The following MAGI2 variants were observed in gnomAD, a reference collection of about 807,000 sequenced individuals.
The protein encoded by MAGI2 is membrane-associated guanylate kinase, WW and PDZ domain-containing protein 2.
A neutral mutation model predicts 133.3 loss-of-function variants in MAGI2; 35 were observed. The ratio of observed to expected loss-of-function variants is 0.26; its 90% CI spans 0.20 to 0.35. The LOEUF is 0.35. Ranked by LOEUF, MAGI2 falls within the 10% of genes least tolerant of loss-of-function variation. The pLI is 1.00. For missense variants in MAGI2, 1,636 were observed against 1,863.4 expected (o/e 0.88, Z 2.25); for synonymous variants, 729 against 710.6 (o/e 1.03, Z -0.41).
At chr7:78,043,801 T>C (rs1287922367) in intron 21 of MAGI2, among the ~76,000 whole-genome samples, 1 of 152,226 alleles carries the variant, frequency 6.6e-6, no homozygotes, top group Non-Finnish European at 1.5e-5. Context: ...GAAATAATTA[T>C]AAACCTTAAG....
chr7:78,461,226 G>T (rs1023803446), intron 6 of MAGI2, among the ~76,000 whole-genome samples: 1 of 151,870 alleles, frequency 6.6e-6, no homozygotes, highest in Non-Finnish European at 1.5e-5. Context: ...ACCTGTGCTA[G>T]GTCAATAAAA....
At chr7:78,333,477 T>C (rs1789441904) in intron 9 of MAGI2, among the ~76,000 whole-genome samples, 1 of 152,244 alleles carries the variant, frequency 6.6e-6, no homozygotes. Context: ...TGACTCTCTC[T>C]GATCCAAAGA....
intron 9 of MAGI2, among the ~76,000 whole-genome samples, chr7:78,339,752 T>C (rs895770242): frequency 1.3e-5 from 2 of 152,152 alleles, no homozygotes; most frequent in African/African-American, 4.8e-5. Context: ...ACCAAATGAA[T>C]GGCAGAGTTG....
At chr7:79,237,354 G>A (rs572340355) in intron 1 of MAGI2, among the ~76,000 whole-genome samples, 5 of 152,208 alleles carry the variant, frequency 3.3e-5, no homozygotes, top group Admixed American at 6.5e-5. Context: ...ATTAGCCGGC[G>A]TGGTGGCAGG....
intron 6 of MAGI2, among the ~76,000 whole-genome samples, chr7:78,386,571 C>T (rs915445552): frequency 4.6e-5 from 7 of 152,318 alleles, no homozygotes; most frequent in Admixed American, 1.3e-4. Context: ...ATGTAAAGAG[C>T]CAGTCAGTCC....
chr7:79,133,851 G>T (rs540042616), intron 1 of MAGI2, among the ~76,000 whole-genome samples: 3 of 152,136 alleles, frequency 2.0e-5, no homozygotes, highest in Non-Finnish European at 4.4e-5. Context: ...AGGTTCCTTT[G>T]TATGCCCCAT....
chr7:79,114,532 A>T (rs1194519224), intron 1 of MAGI2, among the ~76,000 whole-genome samples: 1 of 152,304 alleles, frequency 6.6e-6, no homozygotes, highest in East Asian at 1.9e-4. Flanking sequence ...AAATACCCCC[A>T]TTTGAGAGAG....
chr7:78,385,326 A>G (rs1214755697), intron 6 of MAGI2, among the ~76,000 whole-genome samples: 1 of 152,212 alleles, frequency 6.6e-6, no homozygotes, highest in Non-Finnish European at 1.5e-5. Context: ...AAGCTGACCA[A>G]CCTGACAGTG....
chr7:79,333,933 C>A (rs1160013621), intron 1 of MAGI2, among the ~76,000 whole-genome samples: 1 of 152,182 alleles, frequency 6.6e-6, no homozygotes, highest in African/African-American at 2.4e-5. Flanking sequence ...CCTCTGGAAA[C>A]TTTCCCTTGA....
rs144682329 is a variant in MAGI2 at position 78,877,031 on chromosome 7, C to T, written c.418+130059G>A. On this transcript the variant is annotated intron_variant, in intron 2 of 21. Coordinates refer to ENST00000354212, the MANE Select transcript of MAGI2 (RefSeq NM_012301.4). ...TCAGTTGGTTCCTATGTCATATCTC[C>T]ATCTTTGACTGTTTTGAGCTCCTCC... Among the ~76,000 whole-genome samples, 473 of 152,242 alleles carry T rather than the reference C, an allele frequency of 3.1e-3. 4 individuals carry two copies. The highest frequency in any genetic ancestry group is 0.011 in the African/African-American group (450 of 41,556).
intron 1 of MAGI2, among the ~76,000 whole-genome samples, chr7:79,176,255 C>G (rs749267323): frequency 1.9e-4 from 29 of 152,000 alleles, no homozygotes; most frequent in Non-Finnish European, 3.8e-4. Flanking sequence ...TGCTTACAGT[C>G]AGTCCCCTTC....
intron 9 of MAGI2, among the ~76,000 whole-genome samples, chr7:78,297,719 T>C (rs1187630579): frequency 2.0e-5 from 3 of 151,528 alleles, no homozygotes; most frequent in African/African-American, 7.3e-5. Flanking sequence ...CTCAGTAAAC[T>C]GTCACAAGAA....
intron 3 of MAGI2, among the ~76,000 whole-genome samples, chr7:78,591,469 C>T (rs1803995588): frequency 6.6e-6 from 1 of 152,110 alleles, no homozygotes; most frequent in Non-Finnish European, 1.5e-5. Context: ...TACTCTATTC[C>T]ACAGAACTCC....
chr7:79,128,066 C>T (rs1820590766), intron 1 of MAGI2, among the ~76,000 whole-genome samples: 1 of 152,118 alleles, frequency 6.6e-6, no homozygotes, highest in Non-Finnish European at 1.5e-5. Context: ...AATCCTTTCC[C>T]CGTTGCTTGT....
intron 1 of MAGI2, among the ~76,000 whole-genome samples, chr7:79,169,799 G>A (rs565428307): frequency 6.5e-4 from 99 of 152,062 alleles, no homozygotes; most frequent in African/African-American, 2.0e-3. Context: ...TAAACATACC[G>A]GAATCCTGTA....
At chr7:79,240,589 C>G (rs1491000465) in intron 1 of MAGI2, among the ~76,000 whole-genome samples, 1 of 152,120 alleles carries the variant, frequency 6.6e-6, no homozygotes, top group Non-Finnish European at 1.5e-5. Flanking sequence ...TGTTCTTTCT[C>G]TGCTGTTCTT....
At chr7:78,888,581 T>G (rs1796463259) in intron 2 of MAGI2, among the ~76,000 whole-genome samples, 1 of 152,210 alleles carries the variant, frequency 6.6e-6, no homozygotes, top group African/African-American at 2.4e-5. Context: ...CAATATCCGC[T>G]GTTCTTCAGC....
intron 1 of MAGI2, among the ~76,000 whole-genome samples, chr7:79,279,842 T>C (rs772534938): frequency 6.6e-5 from 10 of 152,178 alleles, no homozygotes; most frequent in Non-Finnish European, 1.3e-4. Flanking sequence ...GCTTAATTTG[T>C]CACAAAACTA....
chr7:79,258,679 G>A (rs752192705), intron 1 of MAGI2, among the ~76,000 whole-genome samples: 1 of 152,170 alleles, frequency 6.6e-6, no homozygotes, highest in African/African-American at 2.4e-5. Context: ...GAGCACAGTG[G>A]CTAATCACAG....
Sources: gnomAD v4.1 joint callset for allele counts (sites outside exome capture counted in the v4.1 genomes callset) on GRCh38, gnomAD v4.1.1 for gene constraint, MANE v1.5 for transcripts, NCBI Gene and HGNC (gene_info 2026-07-23, HGNC 2026-07-21) for gene names.